Variants in RNF170 observed in about 807,000 individuals in gnomAD.
RNF170 encodes E3 ubiquitin-protein ligase RNF170.
A neutral mutation model predicts 32.7 loss-of-function variants in RNF170; 12 were observed. That is an observed-to-expected ratio of 0.37 (90% CI 0.24 to 0.60). The LOEUF is 0.60. RNF170 is among the 20% of genes least tolerant of loss of function. RNF170 has a pLI of 0.72. For synonymous variants in RNF170, 91 were observed against 103.6 expected, an observed-to-expected ratio of 0.88 and a Z score of 0.74; for missense variants, 212 against 311.2, an observed-to-expected ratio of 0.68 and a Z score of 2.40.
upstream of RNF170, chr8:42,897,227 C>G (rs1807012840): frequency 8.3e-7 from 1 of 1,210,064 alleles, no homozygotes; most frequent in South Asian, 4.2e-5. Flanking sequence ...GACCCCCTCC[C>G]CCCGCCACCT....
chr8:42,873,876 T>C (rs1338460425), intron 3 of RNF170, 55 bp downstream of exon 3: 4 of 970,638 alleles, frequency 4.1e-6, no homozygotes, highest in Non-Finnish European at 6.7e-6. Flanking sequence ...TATCACAATT[T>C]CACATGCAAA....
At chr8:42,861,941 A>G in intron 5 of RNF170, 86 bp from the exon 6 acceptor site, 1 of 1,371,438 alleles carries the variant, frequency 7.3e-7, no homozygotes, top group Non-Finnish European at 9.8e-7. Context: ...TAGAATGATA[A>G]AGGCTTCTAT....
chr8:42,868,187 T>C (rs947076488), intron 4 of RNF170, among the ~76,000 whole-genome samples: 5 of 152,174 alleles, frequency 3.3e-5, no homozygotes, highest in East Asian at 3.8e-4. Context: ...AATGATGAGA[T>C]TGGATTACTG....
In RNF170 at chr8:42,875,169, TA is replaced by T. The variant is rs35059319; in HGVS notation, c.138-1164del. Among the ~76,000 whole-genome samples, 524 of 129,638 alleles carry T rather than the reference TA, an allele frequency of 4.0e-3. 1 individual carries two copies. The highest frequency in any genetic ancestry group is 4.4e-3 in the Admixed American group (56 of 12,678). The allele number at this position is 129,638 out of a possible 152,430, so 85.0% of individuals were successfully genotyped here. On this transcript the variant is annotated intron_variant, in intron 2 of 6. Transcript: ENST00000527424. ...CTGGGCAACAAGAGCAAAACCGTCT[TA>T]AAAAAAAAAAAAAAAAGAAAGATGT...
In RNF170 at chr8:42,854,307, C is replaced by T; in HGVS notation, c.*1852G>A. On this transcript the variant is annotated 3_prime_UTR_variant, in exon 7 of 7. Transcript: ENST00000527424. ...TTAACAACTTTCACGTCTATCTAAA[C>T]ATTCTATGCAGGAGTCCTACTAAGA... The T allele has an allele frequency of 7.8e-7, 1 of 1,287,224 alleles. No homozygotes were observed. Among genetic ancestry groups the T allele is most frequent in the Non-Finnish European group, 1.0e-6 (1 of 988,692 alleles). 79.7% of individuals were successfully genotyped at this position (1,287,224 alleles called of 1,614,324 possible). A position where few individuals can be genotyped will look rare whatever the true frequency, so the allele number is the denominator to read the frequency against.
intron 3 of RNF170, among the ~76,000 whole-genome samples, chr8:42,873,686 A>G (rs922159613): frequency 2.0e-5 from 3 of 152,226 alleles, no homozygotes; most frequent in African/African-American, 7.2e-5. Context: ...TACACTAATA[A>G]ATAATAGGAA....
Position 42,887,716 on chromosome 8 carries a change from C to T in RNF170, c.137+12G>A. On this transcript the variant is annotated intron_variant, in intron 2 of 6. Coordinates refer to ENST00000527424, the MANE Select transcript of RNF170 (RefSeq NM_030954.4). The stretch of plus-strand genomic sequence containing the variant: ...TGCAAATCTACTCAATTCTTTTGTC[C>T]TTAAATCTCACCTGAAAAGTGCATA... 25 of 1,613,854 alleles carry T rather than the reference C, an allele frequency of 1.5e-5. No homozygotes were observed. Among genetic ancestry groups the T allele is most frequent in the Non-Finnish European group, 2.0e-5 (24 of 1,179,810 alleles).
rs1302051820 is a variant in RNF170 at position 42,896,583 on chromosome 8, G to C, written c.-107C>G. 1 of 453,676 alleles carries C rather than the reference G, an allele frequency of 2.2e-6. No homozygotes were observed. Among genetic ancestry groups the C allele is most frequent in the South Asian group, 1.6e-5 (1 of 64,500 alleles). The allele number at this position is 453,676 out of a possible 1,614,324, so 28.1% of individuals were successfully genotyped here. On this transcript the variant is annotated 5_prime_UTR_variant, in exon 1 of 7. Coordinates refer to ENST00000527424, the MANE Select transcript of RNF170 (RefSeq NM_030954.4). ...ACCCCTCCCGGGCAACCCACTAGAC[G>C]TCCCCTTTCTAATTTGGAGTGCGGG...
rs751067465 is a variant in RNF170, at chr8:42,856,017, T to C, written c.*142A>G. On this transcript the variant is annotated 3_prime_UTR_variant, in exon 7 of 7. Transcript: ENST00000527424. ...TTATACCTAGGTATTTGTCAAATGA[T>C]AATCAAATGTTTGTCTTATAGTGGT... is the stretch of plus-strand genomic sequence containing the variant. 6.1e-5 allele frequency: 94 copies of C among 1,539,912 alleles called. No homozygotes were observed. In the Middle Eastern group the frequency reaches 2.1e-3, roughly 34 times the overall value.
rs1274746461 is a variant in RNF170, at chr8:42,854,132, T to G, written c.*2027A>C. 1 of 1,287,272 alleles carries G rather than the reference T, an allele frequency of 7.8e-7. No individual in the cohort carries two copies. Among genetic ancestry groups the G allele is most frequent in the East Asian group, 5.5e-5 (1 of 18,024 alleles). 79.7% of individuals were successfully genotyped at this position (1,287,272 alleles called of 1,614,324 possible). ...TTTTTCTGTGATGTATGCCACCCTT[T>G]TACCTATTTGATTTGGAAGTGTAGA... On this transcript the variant is annotated 3_prime_UTR_variant, in exon 7 of 7. Coordinates refer to ENST00000527424, the MANE Select transcript of RNF170 (RefSeq NM_030954.4).
At chr8:42,877,927 G>A (rs1586530489) in intron 2 of RNF170, among the ~76,000 whole-genome samples, 1 of 152,176 alleles carries the variant, frequency 6.6e-6, no homozygotes, top group Non-Finnish European at 1.5e-5. Context: ...CAGATATTGC[G>A]TTTTTTACAA....
chr8:42,850,948 G>A (rs1342370309), downstream of RNF170: 2 of 1,551,662 alleles, frequency 1.3e-6, no homozygotes, highest in Admixed American at 2.0e-5. Flanking sequence ...GCATGCAACA[G>A]CCTCTTGATG....
At chr8:42,867,317 C>T (rs1480841907) in intron 4 of RNF170, among the ~76,000 whole-genome samples, 2 of 151,256 alleles carry the variant, frequency 1.3e-5, no homozygotes, top group Non-Finnish European at 2.9e-5. Context: ...ACTAAAAATA[C>T]AAAATTAGCC....
chr8:42,888,334 G>A (rs1806004887), intron 1 of RNF170, among the ~76,000 whole-genome samples: 1 of 151,894 alleles, frequency 6.6e-6, no homozygotes, highest in Non-Finnish European at 1.5e-5. Flanking sequence ...AAAGTGCCGG[G>A]ATTACAGGCA....
Position 42,858,297 on chromosome 8 carries a change from A to G in RNF170, c.508-1869T>C, listed in dbSNP as rs1410816225. Among the ~76,000 whole-genome samples, 3 of 152,182 alleles carry G rather than the reference A, an allele frequency of 2.0e-5. No individual in the cohort carries two copies. The East Asian group carries it at 5.8e-4, about 29-fold the overall frequency. On this transcript the variant is annotated intron_variant, in intron 6 of 6. Transcript: ENST00000527424. ...CCCATTATCATCCATAACAGTTGAA[A>G]TCTATGCCCTGAAATGTACACGACC... is the stretch of plus-strand genomic sequence containing the variant.
chr8:42,883,303 A>T (rs377013409), intron 2 of RNF170, among the ~76,000 whole-genome samples: 5 of 152,162 alleles, frequency 3.3e-5, no homozygotes, highest in Non-Finnish European at 7.3e-5. Context: ...AAATTTAAAA[A>T]TAAAAAAATA....
intron 1 of RNF170, chr8:42,896,279 C>A (rs1170703794): frequency 2.0e-5 from 7 of 349,198 alleles, no homozygotes; most frequent in African/African-American, 9.1e-5. Context: ...GCGTCGGCCC[C>A]TCCACCGTCG....
intron 3 of RNF170, among the ~76,000 whole-genome samples, chr8:42,873,680 CTAAT>C (rs1344800183): frequency 3.3e-5 from 5 of 152,100 alleles, no homozygotes; most frequent in East Asian, 1.9e-4. Context: ...TATTTCTACA[CTAAT>C]AAATAATAGG....
At chr8:42,878,704 T>C (rs1805149249) in intron 2 of RNF170, among the ~76,000 whole-genome samples, 1 of 152,246 alleles carries the variant, frequency 6.6e-6, no homozygotes, top group African/African-American at 2.4e-5. Flanking sequence ...TTGATGAAGG[T>C]GGCTACGCTC....
Sources: allele counts gnomAD v4.1 joint callset (sites outside exome capture counted in the v4.1 genomes callset), GRCh38; gene constraint gnomAD v4.1.1; transcripts MANE v1.5; gene names NCBI Gene and HGNC (gene_info 2026-07-23, HGNC 2026-07-21).